PAX7: variants seen among roughly 807,000 people sequenced by gnomAD.
The protein encoded by PAX7 is paired box 7.
Under a neutral mutation model 50.7 loss-of-function variants are expected in PAX7, and 18 were observed. The ratio of observed to expected loss-of-function variants is 0.36; its 90% CI spans 0.25 to 0.53. PAX7 has a LOEUF of 0.53. Among genes scored for constraint, PAX7 ranks in the 20% least tolerant of loss-of-function variants. The pLI is 0.93. For missense variants in PAX7, 644 were observed against 702.9 expected (o/e 0.92, Z 0.95); for synonymous variants, 310 against 290.4 (o/e 1.07, Z -0.69).
intron 8 of PAX7, 157 bp downstream of exon 8, chr1:18,736,035 C>T (rs1375604784): frequency 8.7e-6 from 13 of 1,501,532 alleles, no homozygotes; most frequent in African/African-American, 5.5e-5. Flanking sequence ...GAACAGTTCA[C>T]CTAAAATGAC....
chr1:18,652,058 G>A (rs746104272), intron 4 of PAX7, among the ~76,000 whole-genome samples: 15 of 152,066 alleles, frequency 9.9e-5, no homozygotes, highest in South Asian at 2.1e-4. Flanking sequence ...AAGGCTCACC[G>A]GCCCCCTGGC....
At chr1:18,716,594 C>T (rs2089424817) in intron 7 of PAX7, among the ~76,000 whole-genome samples, 1 of 151,830 alleles carries the variant, frequency 6.6e-6, no homozygotes, top group South Asian at 2.1e-4. Flanking sequence ...TTCCCTTCGC[C>T]CCCTGTGCCA....
chr1:18,688,248 A>T (rs545114597), intron 4 of PAX7, among the ~76,000 whole-genome samples: 1 of 152,244 alleles, frequency 6.6e-6, no homozygotes, highest in Non-Finnish European at 1.5e-5. Context: ...TAAAAACCAT[A>T]AATAGCATAA....
At chr1:18,683,026 G>A (rs561036144) in intron 4 of PAX7, among the ~76,000 whole-genome samples, 33 of 152,276 alleles carry the variant, frequency 2.2e-4, no homozygotes, top group African/African-American at 7.7e-4. Context: ...TGGGGGAAGT[G>A]GATGGGGGTC....
chr1:18,670,196 A>G (rs1335997382), intron 4 of PAX7, among the ~76,000 whole-genome samples: 3 of 151,986 alleles, frequency 2.0e-5, no homozygotes, highest in Non-Finnish European at 1.5e-5. Context: ...CCCCCTGCCT[A>G]TAAATAGTAC....
intron 7 of PAX7, among the ~76,000 whole-genome samples, chr1:18,721,102 C>T (rs115613167): frequency 0.01 from 1,563 of 152,214 alleles, 34 homozygotes; most frequent in African/African-American, 0.035. Flanking sequence ...TCCACACTCC[C>T]TCCAGCCTCT....
intron 4 of PAX7, among the ~76,000 whole-genome samples, chr1:18,644,631 C>T (rs534173485): frequency 3.9e-5 from 6 of 152,128 alleles, no homozygotes; most frequent in African/African-American, 1.2e-4. Flanking sequence ...CTCCAGGGAG[C>T]TTCTGATTCC....
At chr1:18,701,463 C>CGT in intron 6 of PAX7, among the ~76,000 whole-genome samples, 2 of 149,358 alleles carry the variant, frequency 1.3e-5, no homozygotes, top group African/African-American at 4.9e-5. Context: ...TGCATGTGCA[C>CGT]GTGTGTGTGT....
intron 4 of PAX7, among the ~76,000 whole-genome samples, chr1:18,644,425 C>G (rs1338716353): frequency 6.6e-6 from 1 of 152,174 alleles, no homozygotes; most frequent in South Asian, 2.1e-4. Flanking sequence ...ATGTTGTTAT[C>G]CTTTTAGGGG....
At chr1:18,739,085 G>T (rs577305839) in intron 8 of PAX7, among the ~76,000 whole-genome samples, 1 of 152,302 alleles carries the variant, frequency 6.6e-6, no homozygotes, top group South Asian at 2.1e-4. Flanking sequence ...CCTGCCCTCT[G>T]CCCAAGTTCA....
chr1:18,635,601 C>T (rs1934057), intron 3 of PAX7, among the ~76,000 whole-genome samples: 74,294 of 151,272 alleles, frequency 0.49, 18,509 homozygotes, highest in Middle Eastern at 0.52. Flanking sequence ...ACCTAGAAAG[C>T]TGGATGATAA....
chr1:18,698,761 C>T (rs118163836), intron 5 of PAX7, among the ~76,000 whole-genome samples: 2 of 152,328 alleles, frequency 1.3e-5, no homozygotes, highest in East Asian at 1.9e-4. Context: ...GGGAGCCAGT[C>T]GTTTTTCCTC....
At chr1:18,645,901 C>G (rs1164147419) in intron 4 of PAX7, among the ~76,000 whole-genome samples, 1 of 152,228 alleles carries the variant, frequency 6.6e-6, no homozygotes, top group Non-Finnish European at 1.5e-5. Flanking sequence ...ACTCAGGAAG[C>G]TGGTCTCTAA....
chr1:18,643,949 G>A, intron 4 of PAX7, among the ~76,000 whole-genome samples: 1 of 152,220 alleles, frequency 6.6e-6, no homozygotes, highest in Admixed American at 6.5e-5. Flanking sequence ...GGGAGAGGCC[G>A]GGAACTGCAT....
At chr1:18,694,011 C>G (rs1570180693) in intron 5 of PAX7, among the ~76,000 whole-genome samples, 1 of 152,218 alleles carries the variant, frequency 6.6e-6, no homozygotes, top group East Asian at 1.9e-4. Flanking sequence ...TTATTGACTT[C>G]CTATCATACT....
chr1:18,691,870 G>A lies in PAX7; in HGVS notation c.703G>A (p.Ala235Thr), dbSNP rs147079707. The change falls in exon 5 of 9, where the codon GCC becomes ACC. Residue 235 changes from alanine to threonine, a missense_variant. Ala to Thr is a moderately conservative substitution (Grantham distance 58). Transcript: ENST00000420770. ...TAEQLEELEK[A>T]FERTHYPDIY... ...CGAGCAGCTGGAGGAGCTGGAGAAG[G>A]CCTTTGAGAGGACCCACTACCCAGA... 5.0e-5 allele frequency: 80 copies of A among 1,613,956 alleles called. No homozygotes were observed. In the African/African-American group the frequency reaches 1.1e-3, roughly 21 times the overall value.
At chr1:18,643,500 G>C (rs562817062) in intron 4 of PAX7, among the ~76,000 whole-genome samples, 23 of 152,286 alleles carry the variant, frequency 1.5e-4, no homozygotes, top group Non-Finnish European at 2.6e-4. Flanking sequence ...AGGCGCCGAG[G>C]GAGGCGCCGA....
At chr1:18,655,770 G>GGTGGGTGT (rs1553135361) in intron 4 of PAX7, among the ~76,000 whole-genome samples, 1 of 143,562 alleles carries the variant, frequency 7.0e-6, no homozygotes, top group African/African-American at 2.6e-5. Context: ...ACTTGGAGAG[G>GGTGGGTGT]GTGTGTGTGT....
intron 7 of PAX7, among the ~76,000 whole-genome samples, chr1:18,728,136 G>A (rs936123714): frequency 1.3e-5 from 2 of 152,164 alleles, no homozygotes; most frequent in African/African-American, 4.8e-5. Flanking sequence ...TCCCCTGGGG[G>A]CTGGAGGAGG....
Sources: gnomAD v4.1 joint callset for allele counts (sites outside exome capture counted in the v4.1 genomes callset) on GRCh38, gnomAD v4.1.1 for gene constraint, MANE v1.5 for transcripts, NCBI Gene and HGNC (gene_info 2026-07-23, HGNC 2026-07-21) for gene names.